AGMO: variants seen among roughly 807,000 people sequenced by gnomAD.
The protein encoded by AGMO is alkylglycerol monooxygenase, also known as glyceryl-ether monooxygenase.
Under a neutral mutation model 60.2 loss-of-function variants are expected in AGMO, and 75 were observed. The ratio of observed to expected loss-of-function variants is 1.25; its 90% CI spans 1.03 to 1.51. AGMO has a LOEUF of 1.51. AGMO is among the 40% of genes most tolerant of loss of function. The probability of loss-of-function intolerance (pLI) is 0.00; values close to 1 mark genes in which losing one functional copy is unlikely to be tolerated. For missense variants in AGMO, 763 were observed against 525.5 expected (o/e 1.45, Z -4.42); for synonymous variants, 261 against 177.1 (o/e 1.47, Z -3.76).
At chr7:15,465,338 C>T (rs893961059) in intron 3 of AGMO, among the ~76,000 whole-genome samples, 9 of 149,628 alleles carry the variant, frequency 6.0e-5, no homozygotes, top group African/African-American at 2.2e-4. Flanking sequence ...TGTGTGTGTG[C>T]GTGTGTGTAT....
the AGMO span, among the ~76,000 whole-genome samples, chr7:15,141,541 G>A: frequency 1.3e-4 from 20 of 152,234 alleles, no homozygotes; most frequent in African/African-American, 3.1e-4. Context: ...AGCAGTGATC[G>A]TGCCACTGTC....
At chr7:15,332,947 G>T (rs1040353074) in intron 12 of AGMO, among the ~76,000 whole-genome samples, 46 of 152,206 alleles carry the variant, frequency 3.0e-4, no homozygotes, top group African/African-American at 1.1e-3. Context: ...AAAGTTAAAT[G>T]TATCAGTTCC....
the AGMO span, among the ~76,000 whole-genome samples, chr7:15,188,011 A>T: frequency 1.3e-5 from 2 of 152,028 alleles, no homozygotes; most frequent in African/African-American, 4.8e-5. Flanking sequence ...GTCTGTTCTC[A>T]CACTCACTAT....
At chr7:15,159,493 T>G in the AGMO span, among the ~76,000 whole-genome samples, 19,335 of 152,140 alleles carry the variant, frequency 0.13, 1,425 homozygotes, top group Non-Finnish European at 0.17. Flanking sequence ...TACTACTTTC[T>G]CCCTAGGCTC....
In AGMO at chr7:15,561,952, C is replaced by T. The variant is rs1400658937; in HGVS notation, c.-107G>A. On this transcript the variant is annotated 5_prime_UTR_variant, in exon 1 of 13. Transcript: ENST00000342526. ...GTGCAGCTCAGAACAAGCTCTTTGT[C>T]AGAGAACAGCTAAAACCAAAGCTCC... is the stretch of plus-strand genomic sequence containing the variant. 4 of 1,207,022 alleles carry T rather than the reference C, an allele frequency of 3.3e-6. No homozygotes were observed. The highest frequency in any genetic ancestry group is 2.6e-5 in the Admixed American group (1 of 39,026). The allele number at this position is 1,207,022 out of a possible 1,614,324, so 74.8% of individuals were successfully genotyped here.
At chr7:15,339,346 CA>C (rs1213984547) in intron 12 of AGMO, among the ~76,000 whole-genome samples, 1 of 152,074 alleles carries the variant, frequency 6.6e-6, no homozygotes, top group Non-Finnish European at 1.5e-5. Context: ...GGAATGCTGT[CA>C]TTTTTTTAAT....
At chr7:15,554,720 T>C (rs1785075543) in intron 2 of AGMO, among the ~76,000 whole-genome samples, 1 of 152,132 alleles carries the variant, frequency 6.6e-6, no homozygotes, top group Admixed American at 6.6e-5. Context: ...TCCTCATTTT[T>C]TACAAAATAA....
In AGMO at chr7:15,470,200, T is replaced by A. The variant is rs147553118; in HGVS notation, c.410-39092A>T. Among the ~76,000 whole-genome samples the A allele has an allele frequency of 7.2e-5, 11 of 152,086 alleles. 1 individual carries two copies. The East Asian group carries it at 2.1e-3, about 29-fold the overall frequency. ...GTTGAAGTAAAGAGATAAAATAATA[T>A]CTGGAAATATGCTCTGATATTTAAT... On this transcript the variant is annotated intron_variant, in intron 3 of 12. Coordinates refer to ENST00000342526, the MANE Select transcript of AGMO (RefSeq NM_001004320.2).
chr7:15,389,555 C>A lies in AGMO; in HGVS notation c.822+1116G>T, dbSNP rs764124796. Reference sequence around the variant, plus strand: ...TAACCACCTTTCTTCTTTTGGTGTACGAGGAGATAAAAATGCCTTTCACTG... The same window carrying A: ...TAACCACCTTTCTTCTTTTGGTGTAAGAGGAGATAAAAATGCCTTTCACTG... On this transcript the variant is annotated intron_variant, in intron 8 of 12. Transcript: ENST00000342526. 9.2e-5 allele frequency among the ~76,000 whole-genome samples: 14 copies of A among 151,960 alleles called. No homozygotes were observed. The South Asian group carries it at 1.5e-3, about 16-fold the overall frequency.
At chr7:15,317,464 G>A (rs1021824589) in intron 12 of AGMO, among the ~76,000 whole-genome samples, 1 of 152,012 alleles carries the variant, frequency 6.6e-6, no homozygotes, top group Middle Eastern at 3.2e-3. Context: ...AATCAGGAGT[G>A]GGGATAGGCA....
intron 3 of AGMO, among the ~76,000 whole-genome samples, chr7:15,530,403 A>T (rs1372985367): frequency 7.5e-6 from 1 of 133,596 alleles, no homozygotes; most frequent in South Asian, 2.4e-4. Context: ...CTATATACGT[A>T]TTTCTATATA....
At chr7:15,149,297 G>T in the AGMO span, among the ~76,000 whole-genome samples, 1 of 151,990 alleles carries the variant, frequency 6.6e-6, no homozygotes, top group African/African-American at 2.4e-5. Context: ...ACTTCTTTTA[G>T]CATGCAGAAG....
intron 12 of AGMO, among the ~76,000 whole-genome samples, chr7:15,295,023 C>T (rs1467841127): frequency 6.6e-6 from 1 of 151,394 alleles, no homozygotes; most frequent in African/African-American, 2.4e-5. Flanking sequence ...TTTTTAAATA[C>T]CTCAATAATA....
At chr7:15,274,432 G>C (rs149123643) in intron 12 of AGMO, among the ~76,000 whole-genome samples, 1 of 152,100 alleles carries the variant, frequency 6.6e-6, no homozygotes, top group South Asian at 2.1e-4. Flanking sequence ...ATTGATTTGC[G>C]TATGTTGAAC....
intron 4 of AGMO, among the ~76,000 whole-genome samples, chr7:15,419,372 G>A (rs563303083): frequency 2.6e-5 from 4 of 152,040 alleles, no homozygotes. Flanking sequence ...CCCAAGAGTG[G>A]TTTCATGCTG....
chr7:15,484,269 A>G (rs1307965503), intron 3 of AGMO, among the ~76,000 whole-genome samples: 1 of 152,222 alleles, frequency 6.6e-6, no homozygotes, highest in Non-Finnish European at 1.5e-5. Context: ...ATTATAGATC[A>G]TCAGCTATAC....
intron 12 of AGMO, among the ~76,000 whole-genome samples, chr7:15,281,630 C>G (rs62450285): frequency 0.071 from 10,807 of 152,164 alleles, 527 homozygotes; most frequent in South Asian, 0.19. Flanking sequence ...AGACTTCAGT[C>G]TATTCCACTG....
intron 12 of AGMO, among the ~76,000 whole-genome samples, chr7:15,327,632 A>G (rs915235130): frequency 6.6e-6 from 1 of 152,032 alleles, no homozygotes; most frequent in Non-Finnish European, 1.5e-5. Context: ...TATAAACGAC[A>G]ATGGGAGACT....
At chr7:15,345,167 T>G (rs1033330636) in intron 12 of AGMO, among the ~76,000 whole-genome samples, 1 of 152,212 alleles carries the variant, frequency 6.6e-6, no homozygotes, top group African/African-American at 2.4e-5. Flanking sequence ...GCATCAGTAG[T>G]ATGGCCTGAG....
Sources: gnomAD v4.1 joint callset for allele counts (sites outside exome capture counted in the v4.1 genomes callset) on GRCh38, gnomAD v4.1.1 for gene constraint, MANE v1.5 for transcripts, NCBI Gene and HGNC (gene_info 2026-07-23, HGNC 2026-07-21) for gene names.